SLC6A5: variants seen among roughly 807,000 people sequenced by gnomAD.
SLC6A5 encodes sodium- and chloride-dependent glycine transporter 2.
SLC6A5 carries 58 observed loss-of-function variants against 90.5 expected under a neutral mutation model. The ratio of observed to expected loss-of-function variants is 0.64; its 90% CI spans 0.52 to 0.80. SLC6A5 has a LOEUF of 0.80. SLC6A5 is among the 30% of genes least tolerant of loss of function. The pLI is 0.00. For synonymous variants in SLC6A5, 427 were observed against 401.4 expected (o/e 1.06, Z -0.76); for missense variants, 1,015 against 1,017.6 (o/e 1.00, Z 0.03).
At chr11:20,606,168 G>T (rs1002280092) in intron 3 of SLC6A5, among the ~76,000 whole-genome samples, 5 of 152,240 alleles carry the variant, frequency 3.3e-5, no homozygotes, top group African/African-American at 1.2e-4. Flanking sequence ...AAAGAATGCT[G>T]AAGGGAAAGA....
chr11:20,601,132 T>A lies in SLC6A5; in HGVS notation c.7T>A (p.Cys3Ser). The A allele has an allele frequency of 1.3e-6, 2 of 1,590,014 alleles. No homozygotes were observed. Among genetic ancestry groups the A allele is most frequent in the Non-Finnish European group, 1.7e-6 (2 of 1,175,752 alleles). The change falls in exon 2 of 16, where the codon TGC becomes AGC. Residue 3 changes from cysteine (C) to serine (S), a missense_variant. Cys to Ser is a moderately radical substitution (Grantham distance 112, BLOSUM62 -1). Around this residue, in one of 3 missense-constraint regions of SLC6A5, gnomAD observed 567 missense variants for 507.3 expected, o/e 1.12. Transcript: ENST00000525748. ...GAACTTGACATTGTGTTTGCAGGAT[T>A]GCAGTGCTCCCAAGGAAATGAATAA... is the stretch of plus-strand genomic sequence containing the variant. MD[C>S]SAPKEMNKLP...
chr11:20,630,806 G>A lies in SLC6A5; in HGVS notation c.1615G>A (p.Ala539Thr), dbSNP rs1853095543. 7 of 1,614,066 alleles carry A rather than the reference G, an allele frequency of 4.3e-6. No homozygotes were observed. Among genetic ancestry groups the A allele is most frequent in the Non-Finnish European group, 5.9e-6 (7 of 1,180,012 alleles). Residue 539 changes from alanine to threonine, a missense_variant, in exon 10 of 16, where the codon GCA becomes ACA. By Grantham distance (58) the Ala-to-Thr change is moderately conservative. Coordinates refer to ENST00000525748, the MANE Select transcript of SLC6A5 (RefSeq NM_004211.5). ...NERKVNIENV[A>T]DQGPGIAFVV... Reference sequence around the variant, plus strand: ...ACGCAAAGTCAACATTGAGAATGTGGCAGACCAAGGTACAGGACAGTTGTT... The same window carrying A: ...ACGCAAAGTCAACATTGAGAATGTGACAGACCAAGGTACAGGACAGTTGTT...
chr11:20,638,562 A>T lies in SLC6A5; in HGVS notation c.1969+4A>T, dbSNP rs1476186922. ...GTGGGGATCTCTTATGTGTATGGTA[A>T]GGAAATCACTGTGCCTGTTGCTGAA... On this transcript the variant is annotated splice_donor_region_variant and intron_variant, in intron 13 of 15. Coordinates refer to ENST00000525748, the MANE Select transcript of SLC6A5 (RefSeq NM_004211.5). 9 of 1,557,204 alleles carry T rather than the reference A, an allele frequency of 5.8e-6. No individual in the cohort carries two copies. The African/African-American group carries it at 8.1e-5, about 14-fold the overall frequency.
At chr11:20,614,841 CT>C (rs1380470951) in intron 6 of SLC6A5, 21 bp downstream of exon 6, 5 of 1,598,372 alleles carry the variant, frequency 3.1e-6, no homozygotes, top group African/African-American at 1.3e-5. Flanking sequence ...TTTCTTTTTC[CT>C]TTTTTACCTT....
chr11:20,620,388 T>C (rs1328189967), intron 7 of SLC6A5, among the ~76,000 whole-genome samples: 2 of 152,200 alleles, frequency 1.3e-5, no homozygotes, highest in African/African-American at 4.8e-5. Flanking sequence ...CATCTGTAAA[T>C]AGGGGATAAT....
chr11:20,643,219 C>T (rs1424441865), intron 13 of SLC6A5, among the ~76,000 whole-genome samples: 2 of 144,754 alleles, frequency 1.4e-5, no homozygotes, highest in Non-Finnish European at 3.1e-5. Context: ...TTTCTAGAAT[C>T]TCTCTCTCTT....
intron 7 of SLC6A5, among the ~76,000 whole-genome samples, chr11:20,626,473 C>T (rs948516349): frequency 1.3e-5 from 2 of 151,982 alleles, no homozygotes; most frequent in South Asian, 2.1e-4. Flanking sequence ...GGCTGTAGGC[C>T]GACTCACCCC....
rs1176620630 is a variant in SLC6A5, at chr11:20,631,721, C to T, written c.1624+906C>T. Among the ~76,000 whole-genome samples, 3 of 152,126 alleles carry T rather than the reference C, an allele frequency of 2.0e-5. No individual in the cohort carries two copies. The East Asian group carries it at 5.8e-4, about 29-fold the overall frequency. On this transcript the variant is annotated intron_variant, in intron 10 of 15. Coordinates refer to ENST00000525748, the MANE Select transcript of SLC6A5 (RefSeq NM_004211.5). ...TGGTCATGTGCCTCATGCTGTGGGG[C>T]ATGACTGTGGCCCTGGACAACCAAG...
chr11:20,651,079 T>C (rs924198273), intron 14 of SLC6A5, among the ~76,000 whole-genome samples: 2 of 152,116 alleles, frequency 1.3e-5, no homozygotes, highest in Admixed American at 6.5e-5. Flanking sequence ...GACCACTCTG[T>C]GTCTCACTCA....
intron 3 of SLC6A5, among the ~76,000 whole-genome samples, chr11:20,606,412 A>T (rs7130611): frequency 6.6e-6 from 1 of 152,128 alleles, no homozygotes; most frequent in East Asian, 1.9e-4. Flanking sequence ...TGAAGGATGG[A>T]AGGAACTTCT....
intron 5 of SLC6A5, among the ~76,000 whole-genome samples, chr11:20,613,926 C>T (rs1590161078): frequency 6.6e-6 from 1 of 152,186 alleles, no homozygotes; most frequent in African/African-American, 2.4e-5. Context: ...CAGTAAGCAC[C>T]AGGTCCCCAA....
At chr11:20,653,765 A>G (rs576130191) in intron 15 of SLC6A5, among the ~76,000 whole-genome samples, 10 of 152,218 alleles carry the variant, frequency 6.6e-5, no homozygotes, top group Non-Finnish European at 1.3e-4. Flanking sequence ...TCTGCCGCAC[A>G]TAAGCCTCCC....
intron 13 of SLC6A5, among the ~76,000 whole-genome samples, chr11:20,643,227 C>CTT (rs11294668): frequency 1.4e-5 from 2 of 146,530 alleles, no homozygotes; most frequent in Admixed American, 1.4e-4. Flanking sequence ...ATCTCTCTCT[C>CTT]TTTTTTTTTT....
intron 5 of SLC6A5, among the ~76,000 whole-genome samples, chr11:20,608,207 C>T (rs1852620643): frequency 6.6e-6 from 1 of 152,054 alleles, no homozygotes; most frequent in Non-Finnish European, 1.5e-5. Context: ...GAGAGTGGAC[C>T]CTTAGACCAC....
chr11:20,659,051 C>T lies in SLC6A5; in HGVS notation c.*4183C>T, dbSNP rs1362246404. 2.3e-5 allele frequency: 1 copy of T among 43,966 alleles called. No individual in the cohort carries two copies. Among genetic ancestry groups the T allele is most frequent in the South Asian group, 1.5e-3 (1 of 684 alleles). 2.7% of individuals were successfully genotyped at this position (43,966 alleles called of 1,614,324 possible). On this transcript the variant is annotated 3_prime_UTR_variant, in exon 16 of 16. Transcript: ENST00000525748. ...AAAATATATTATGTTACAAATGATG[C>T]ATCATATATATATATATATATATAT...
rs1282323573 is a variant in SLC6A5, at chr11:20,656,671, G to A, written c.*1803G>A. ...GTTTTAGAAAAGGAAACAAAGATGG[G>A]TTTTGAACTTTAGATTTTCATGTCT... On this transcript the variant is annotated 3_prime_UTR_variant, in exon 16 of 16. Transcript: ENST00000525748. 6.6e-5 allele frequency: 10 copies of A among 152,154 alleles called. No individual in the cohort carries two copies. The East Asian group carries it at 1.5e-3, about 23-fold the overall frequency. The allele number at this position is 152,154 out of a possible 1,614,324, so 9.4% of individuals were successfully genotyped here.
At chr11:20,627,502 C>G (rs972386166) in intron 8 of SLC6A5, among the ~76,000 whole-genome samples, 1 of 152,172 alleles carries the variant, frequency 6.6e-6, no homozygotes, top group African/African-American at 2.4e-5. Flanking sequence ...GCAGGTAGGA[C>G]GTGACACTAT....
chr11:20,652,858 T>G (rs1237347610), intron 15 of SLC6A5, among the ~76,000 whole-genome samples: 1 of 152,194 alleles, frequency 6.6e-6, no homozygotes, highest in East Asian at 1.9e-4. Flanking sequence ...CCCAAACATC[T>G]ATTACCATTA....
At position 20,658,442 on chromosome 11, in the gene SLC6A5, G is replaced by T. The variant is rs1853663331; in HGVS notation, c.*3574G>T. 1 of 152,146 alleles carries T rather than the reference G, an allele frequency of 6.6e-6. No individual in the cohort carries two copies. Among genetic ancestry groups the T allele is most frequent in the Non-Finnish European group, 1.5e-5 (1 of 68,030 alleles). The allele number at this position is 152,146 out of a possible 1,614,324, so 9.4% of individuals were successfully genotyped here. On this transcript the variant is annotated 3_prime_UTR_variant, in exon 16 of 16. Coordinates refer to ENST00000525748, the MANE Select transcript of SLC6A5 (RefSeq NM_004211.5). ...TGGCAGGTGTTTTGCAGGACCAAAA[G>T]GCCAAGGCCAACAGAGGAGCATTTC... is the stretch of plus-strand genomic sequence containing the variant.
Sources: allele counts gnomAD v4.1 joint callset (sites outside exome capture counted in the v4.1 genomes callset), GRCh38; gene constraint gnomAD v4.1.1; regional missense constraint gnomAD v4.1.1; transcripts MANE v1.5; gene names NCBI Gene and HGNC (gene_info 2026-07-23, HGNC 2026-07-21).